KCNJ16: variants seen among roughly 807,000 people sequenced by gnomAD.
KCNJ16 encodes the protein inward rectifier potassium channel 16.
KCNJ16 carries 15 observed loss-of-function variants against 18.5 expected under a neutral mutation model. That is an observed-to-expected ratio of 0.81 (90% CI 0.54 to 1.25). The LOEUF (loss-of-function observed/expected upper bound fraction) is 1.25. Among genes scored for constraint, KCNJ16 ranks in the 50% most tolerant of loss-of-function variants. The probability of loss-of-function intolerance (pLI) is 0.00; values close to 1 mark genes in which losing one functional copy is unlikely to be tolerated. For synonymous variants in KCNJ16, 174 were observed against 186.5 expected (o/e 0.93, Z 0.55); for missense variants, 523 against 525.7 (o/e 0.99, Z 0.05).
intron 2 of KCNJ16, chr17:70,102,340 G>A (rs2072680457): frequency 7.4e-6 from 1 of 135,118 alleles, no homozygotes; most frequent in Non-Finnish European, 1.5e-5. Flanking sequence ...CAATTCTTCT[G>A]TCTCAGCCTC....
chr17:70,079,955 G>A (rs1046950687), intron 1 of KCNJ16, among the ~76,000 whole-genome samples: 2 of 152,082 alleles, frequency 1.3e-5, no homozygotes, highest in South Asian at 2.1e-4. Flanking sequence ...CACCCACTTC[G>A]GCCTCCCAAA....
intron 2 of KCNJ16, among the ~76,000 whole-genome samples, chr17:70,114,029 C>A (rs1305869606): frequency 6.6e-6 from 1 of 152,064 alleles, no homozygotes; most frequent in East Asian, 1.9e-4. Context: ...TGCTATCTAT[C>A]TGGATCTTCC....
chr17:70,091,166 T>C (rs1426776604), intron 1 of KCNJ16, among the ~76,000 whole-genome samples: 1 of 152,142 alleles, frequency 6.6e-6, no homozygotes, highest in Non-Finnish European at 1.5e-5. Flanking sequence ...ATTACACCAA[T>C]CATGAGTAGG....
At chr17:70,105,161 C>G (rs1041208181) in intron 2 of KCNJ16, 3 of 152,150 alleles carry the variant, frequency 2.0e-5, no homozygotes, top group African/African-American at 7.2e-5. Context: ...TTGCATGTAT[C>G]CCCGCTAATA....
intron 2 of KCNJ16, among the ~76,000 whole-genome samples, chr17:70,130,041 C>T (rs1185220825): frequency 6.6e-6 from 1 of 151,758 alleles, no homozygotes; most frequent in Non-Finnish European, 1.5e-5. Context: ...TGTGTAGTTC[C>T]CTTGAAGGAA....
intron 2 of KCNJ16, among the ~76,000 whole-genome samples, chr17:70,103,359 G>A (rs1478562609): frequency 1.7e-4 from 19 of 109,652 alleles, no homozygotes; most frequent in African/African-American, 3.7e-4. Flanking sequence ...TCAAGACAGC[G>A]TCTCACTATT....
rs1166445575 is a variant in KCNJ16 at position 70,128,567 on chromosome 17, C to CT, written c.-190-2311dup. 9 of 152,164 alleles carry CT rather than the reference C, an allele frequency of 5.9e-5. No homozygotes were observed. The East Asian group carries it at 1.7e-3, about 29-fold the overall frequency. 9.4% of individuals were successfully genotyped at this position (152,164 alleles called of 1,614,324 possible). ...CTCTAGCCTCATCTATAAAAGAACT[C>CT]TAAGTCATTTCTAAGCCAAGAAACG... On this transcript the variant is annotated intron_variant, in intron 2 of 3. Transcript: ENST00000392671.
At chr17:70,105,394 G>A (rs965597992) in intron 2 of KCNJ16, among the ~76,000 whole-genome samples, 6 of 152,182 alleles carry the variant, frequency 3.9e-5, no homozygotes, top group South Asian at 2.1e-4. Context: ...ACTTACTGAC[G>A]TGGAGCAACG....
At chr17:70,077,064 G>T (rs897622950) in intron 1 of KCNJ16, among the ~76,000 whole-genome samples, 1 of 152,188 alleles carries the variant, frequency 6.6e-6, no homozygotes, top group Admixed American at 6.5e-5. Flanking sequence ...AGAATCCTTG[G>T]AGAAGAGCAG....
rs971857421 is a variant in KCNJ16, at chr17:70,095,031, C to T, written c.-299-5627C>T. Among the ~76,000 whole-genome samples, 15 of 152,158 alleles carry T rather than the reference C, an allele frequency of 9.9e-5. 1 individual carries two copies. The highest frequency in any genetic ancestry group is 3.1e-4 in the African/African-American group (13 of 41,520). ...ACAGACTTCTAAGAAAACCAAGCTT[C>T]CCTAAAAAAAAGCAATTAGATATTA... On this transcript the variant is annotated intron_variant, in intron 1 of 3. Coordinates refer to ENST00000392671, the MANE Select transcript of KCNJ16 (RefSeq NM_170741.4).
intron 2 of KCNJ16, chr17:70,108,374 C>G (rs1293727548): frequency 1.1e-4 from 17 of 152,126 alleles, no homozygotes; most frequent in Non-Finnish European, 2.2e-4. Flanking sequence ...CAGTTGAGGT[C>G]AGGGAAGGTA....
intron 2 of KCNJ16, among the ~76,000 whole-genome samples, chr17:70,110,640 G>A (rs1394863665): frequency 6.6e-6 from 1 of 152,166 alleles, no homozygotes. Context: ...CATGCTTGCT[G>A]CTTTCCTCAG....
chr17:70,095,121 G>T (rs1354019097), intron 1 of KCNJ16, among the ~76,000 whole-genome samples: 2 of 152,192 alleles, frequency 1.3e-5, no homozygotes, highest in Non-Finnish European at 2.9e-5. Context: ...TTCACAAATA[G>T]CTCAATTTAT....
At position 70,111,333 on chromosome 17, in the gene KCNJ16, T is replaced by C. The variant is rs909879448; in HGVS notation, c.-191+10567T>C. ...GGATTATGGGAGAGTGACACAGCAC[T>C]GAGCCCCAAAAAGAGGAGATGGAGC... On this transcript the variant is annotated intron_variant, in intron 2 of 3. Coordinates refer to ENST00000392671, the MANE Select transcript of KCNJ16 (RefSeq NM_170741.4). Among the ~76,000 whole-genome samples, 9 of 152,284 alleles carry C rather than the reference T, an allele frequency of 5.9e-5. No homozygotes were observed. In the East Asian group the frequency reaches 1.7e-3, roughly 29 times the overall value.
At position 70,104,295 on chromosome 17, in the gene KCNJ16, CCTCT is replaced by C. The variant is rs549622114; in HGVS notation, c.-191+3532_-191+3535del. On this transcript the variant is annotated intron_variant, in intron 2 of 3. Coordinates refer to ENST00000392671, the MANE Select transcript of KCNJ16 (RefSeq NM_170741.4). ...ATGCTTCTTTACAAGAAACTTGCTCCCTCTCTAATCTGAAATTTAGAGGAAGCAA... is the reference window on the plus strand; with the variant it reads ...ATGCTTCTTTACAAGAAACTTGCTCCCTAATCTGAAATTTAGAGGAAGCAA... Among the ~76,000 whole-genome samples, 32 of 152,218 alleles carry C rather than the reference CCTCT, an allele frequency of 2.1e-4. No homozygotes were observed. In the East Asian group the frequency reaches 6.0e-3, roughly 28 times the overall value.
At chr17:70,115,024 G>T (rs1761118302) in intron 2 of KCNJ16, among the ~76,000 whole-genome samples, 1 of 152,110 alleles carries the variant, frequency 6.6e-6, no homozygotes, top group African/African-American at 2.4e-5. Flanking sequence ...GAGGCTCAAA[G>T]ACGTCGATTA....
chr17:70,095,827 T>C (rs1016454888), intron 1 of KCNJ16, among the ~76,000 whole-genome samples: 1 of 151,478 alleles, frequency 6.6e-6, no homozygotes. Flanking sequence ...CCCTTTGATC[T>C]AGCTCAAATC....
At chr17:70,108,781 C>A (rs902703767) in intron 2 of KCNJ16, among the ~76,000 whole-genome samples, 8 of 152,040 alleles carry the variant, frequency 5.3e-5, no homozygotes, top group Non-Finnish European at 8.8e-5. Flanking sequence ...ATTTTTAACC[C>A]CATTCACCTT....
At chr17:70,111,090 C>A (rs1188199059) in intron 2 of KCNJ16, among the ~76,000 whole-genome samples, 1 of 152,014 alleles carries the variant, frequency 6.6e-6, no homozygotes, top group Non-Finnish European at 1.5e-5. Context: ...ATATAATCTC[C>A]TCAATTCTAG....
Sources: allele counts gnomAD v4.1 joint callset (sites outside exome capture counted in the v4.1 genomes callset), GRCh38; gene constraint gnomAD v4.1.1; transcripts MANE v1.5; gene names NCBI Gene and HGNC (gene_info 2026-07-23, HGNC 2026-07-21).